Variants in COL23A1 observed in about 807,000 individuals in gnomAD.
COL23A1 encodes collagen type XXIII alpha 1 chain.
COL23A1 carries 97 observed loss-of-function variants against 99.3 expected under a neutral mutation model. That is an observed-to-expected ratio of 0.98 (90% CI 0.83 to 1.16). The LOEUF (loss-of-function observed/expected upper bound fraction) is 1.16, where lower values mean the gene tolerates loss of function less well. Ranked by LOEUF, COL23A1 falls within the 50% of genes most tolerant of loss-of-function variation. The pLI is 0.00. For missense variants in COL23A1, 762 were observed against 757.4 expected (o/e 1.01, Z -0.07); for synonymous variants, 320 against 308.2 (o/e 1.04, Z -0.40).
rs1762496482 is a variant in COL23A1, at chr5:178,366,657, C to G, written c.362-59738G>C. ...CCCCCAACCCACTCTCCAGCTACCC[C>G]TAGAACCAAAACAGCATCCTGCCGC... On this transcript the variant is annotated intron_variant, in intron 2 of 28. Coordinates refer to ENST00000390654, the MANE Select transcript of COL23A1 (RefSeq NM_173465.4). The surrounding 1 kb of genome is among the most constrained non-coding windows in gnomAD (Gnocchi z 4.4). 6.6e-6 allele frequency among the ~76,000 whole-genome samples: 1 copy of G among 152,210 alleles called. No homozygotes were observed. Among genetic ancestry groups the G allele is most frequent in the African/African-American group, 2.4e-5 (1 of 41,460 alleles).
intron 1 of COL23A1, among the ~76,000 whole-genome samples, chr5:178,569,408 G>A (rs934870054): frequency 3.3e-5 from 5 of 152,216 alleles, no homozygotes; most frequent in African/African-American, 2.4e-5. Context: ...CATCTTGAAC[G>A]TTGGTGGAAG....
At chr5:178,375,927 G>A (rs867571854) in intron 2 of COL23A1, among the ~76,000 whole-genome samples, 10 of 152,104 alleles carry the variant, frequency 6.6e-5, no homozygotes, top group African/African-American at 2.4e-4. Flanking sequence ...AGCTGGTCTC[G>A]AACTACTGAC....
At chr5:178,294,297 CAAAT>C (rs1757620119) in intron 3 of COL23A1, among the ~76,000 whole-genome samples, 75 of 89,388 alleles carry the variant, frequency 8.4e-4, no homozygotes, top group Non-Finnish European at 1.2e-3. Flanking sequence ...AGCTCCCTCC[CAAAT>C]CACTACCCAG....
chr5:178,286,171 T>A (rs1373677918), intron 5 of COL23A1, among the ~76,000 whole-genome samples: 2 of 152,204 alleles, frequency 1.3e-5, no homozygotes, highest in East Asian at 3.9e-4. Context: ...ACCAGCTTCC[T>A]GGAGACGTTG....
intron 2 of COL23A1, among the ~76,000 whole-genome samples, chr5:178,495,165 G>A (rs1244722168): frequency 3.9e-5 from 6 of 152,198 alleles, no homozygotes; most frequent in Non-Finnish European, 8.8e-5. Flanking sequence ...GCATGAAGCT[G>A]TGCTCCCTGC....
rs192740202 is a variant in COL23A1 at position 178,450,240 on chromosome 5, T to C, written c.361+110442A>G. 2.5e-3 allele frequency among the ~76,000 whole-genome samples: 376 copies of C among 148,060 alleles called. 7 individuals are homozygous for C. Among genetic ancestry groups the C allele is most frequent in the Admixed American group, 0.023 (350 of 14,920 alleles). On this transcript the variant is annotated intron_variant, in intron 2 of 28. Coordinates refer to ENST00000390654, the MANE Select transcript of COL23A1 (RefSeq NM_173465.4). The stretch of plus-strand genomic sequence containing the variant: ...AGGTGCTAAGCAGGGCTCTAACTGC[T>C]GGTTGTCCGCAAGGATCGTTTTCCC...
intron 1 of COL23A1, among the ~76,000 whole-genome samples, chr5:178,573,893 C>G (rs1763225706): frequency 6.6e-6 from 1 of 151,824 alleles, no homozygotes; most frequent in African/African-American, 2.4e-5. Flanking sequence ...GAGTCTCGCT[C>G]TGTCACCCAG....
intron 2 of COL23A1, among the ~76,000 whole-genome samples, chr5:178,328,144 G>C (rs553965019): frequency 6.6e-6 from 1 of 152,258 alleles, no homozygotes; most frequent in Non-Finnish European, 1.5e-5. Flanking sequence ...CGGCCCCTCT[G>C]CCCTTTGGCC....
chr5:178,379,838 G>A (rs2910121), intron 2 of COL23A1, among the ~76,000 whole-genome samples: 52,434 of 149,688 alleles, frequency 0.35, 9,642 homozygotes, highest in Admixed American at 0.46. Context: ...CAGAGGTCAC[G>A]CCATTGCACT....
intron 2 of COL23A1, among the ~76,000 whole-genome samples, chr5:178,517,557 G>GTTT (rs35787274): frequency 0.01 from 856 of 84,918 alleles, 156 homozygotes; most frequent in Non-Finnish European, 0.011. Flanking sequence ...GGTGACAGCA[G>GTTT]TTTTTTTTTT....
At chr5:178,543,411 G>C (rs1051322687) in intron 2 of COL23A1, among the ~76,000 whole-genome samples, 1 of 152,102 alleles carries the variant, frequency 6.6e-6, no homozygotes. Context: ...CTGACCTATA[G>C]TTGGTTTTTA....
chr5:178,326,758 C>T (rs1349756594), intron 2 of COL23A1, among the ~76,000 whole-genome samples: 1 of 152,226 alleles, frequency 6.6e-6, no homozygotes, highest in Non-Finnish European at 1.5e-5. Flanking sequence ...CTCGCTCTGT[C>T]ACCCAGGCTG....
At position 178,405,152 on chromosome 5, in the gene COL23A1, T is replaced by C. The variant is rs185032729; in HGVS notation, c.362-98233A>G. Among the ~76,000 whole-genome samples the C allele has an allele frequency of 2.2e-4, 34 of 152,352 alleles. 1 individual carries two copies. The highest frequency in any genetic ancestry group is 2.2e-3 in the Admixed American group (33 of 15,306). ...CTGGCAGCCCAAGGGCCAGATGGGC[T>C]TGCATGCCCGCAGCGTGTCTGGTTC... is the stretch of plus-strand genomic sequence containing the variant. On this transcript the variant is annotated intron_variant, in intron 2 of 28. Transcript: ENST00000390654.
At chr5:178,338,810 A>C (rs1474168779) in intron 2 of COL23A1, among the ~76,000 whole-genome samples, 2 of 152,254 alleles carry the variant, frequency 1.3e-5, no homozygotes, top group East Asian at 3.8e-4. Context: ...AAGTGCCCAC[A>C]CAAGGGGGAT....
At chr5:178,458,801 C>A (rs1397738288) in intron 2 of COL23A1, among the ~76,000 whole-genome samples, 1 of 152,164 alleles carries the variant, frequency 6.6e-6, no homozygotes, top group Non-Finnish European at 1.5e-5. Flanking sequence ...AAAGGAACAC[C>A]TTCATTCTGT....
At chr5:178,582,784 C>T (rs1043610308) in intron 1 of COL23A1, among the ~76,000 whole-genome samples, 38 of 152,192 alleles carry the variant, frequency 2.5e-4, no homozygotes, top group Admixed American at 1.3e-4. Context: ...CCCAGACTCC[C>T]CAACCAGGCC....
At chr5:178,422,420 C>CA (rs1284391382) in intron 2 of COL23A1, among the ~76,000 whole-genome samples, 1 of 152,144 alleles carries the variant, frequency 6.6e-6, no homozygotes, top group Non-Finnish European at 1.5e-5. Flanking sequence ...CAACTGAGAG[C>CA]AAAAACAAGT....
At chr5:178,437,552 C>A (rs760484041) in intron 2 of COL23A1, among the ~76,000 whole-genome samples, 1 of 152,152 alleles carries the variant, frequency 6.6e-6, no homozygotes, top group Non-Finnish European at 1.5e-5. Context: ...GGGCCCCAGC[C>A]GCTATCTGCC....
chr5:178,455,611 C>T (rs1484545853), intron 2 of COL23A1, among the ~76,000 whole-genome samples: 1 of 152,252 alleles, frequency 6.6e-6, no homozygotes, highest in Non-Finnish European at 1.5e-5. Flanking sequence ...TCAGCCTCCA[C>T]ATCCAGGCAT....
Sources: gnomAD v4.1 joint callset for allele counts (sites outside exome capture counted in the v4.1 genomes callset) on GRCh38, gnomAD v4.1.1 for gene constraint, Gnocchi (gnomAD v3.1) non-coding constraint, MANE v1.5 for transcripts, NCBI Gene and HGNC (gene_info 2026-07-23, HGNC 2026-07-21) for gene names.